The following NTN4 variants were observed in gnomAD, a reference collection of about 807,000 sequenced individuals.
NTN4 encodes netrin 4, also known as netrin-4.
NTN4 carries 32 observed loss-of-function variants against 73.6 expected under a neutral mutation model. The observed-to-expected ratio is 0.44, with a 90% CI of 0.33 to 0.58. The LOEUF is 0.58. NTN4 is among the 20% of genes least tolerant of loss of function. The pLI, the probability that NTN4 is intolerant of heterozygous loss-of-function variation, is 0.04. For synonymous variants in NTN4, 258 were observed against 287.5 expected (o/e 0.90, Z 1.04); for missense variants, 654 against 798.3 (o/e 0.82, Z 2.18).
intron 2 of NTN4, among the ~76,000 whole-genome samples, chr12:95,752,965 G>A (rs1035032089): frequency 2.6e-5 from 4 of 151,842 alleles, no homozygotes; most frequent in Admixed American, 1.3e-4. Context: ...AGCTGTGCTC[G>A]CTCTTTAAGT....
At chr12:95,713,167 G>A in intron 4 of NTN4, 45 bp downstream of exon 4, 1 of 1,592,760 alleles carries the variant, frequency 6.3e-7, no homozygotes, top group Non-Finnish European at 8.6e-7. Flanking sequence ...CAGATGCGTT[G>A]ACTTTACAAA....
At chr12:95,693,984 G>C (rs2078421765) in intron 5 of NTN4, among the ~76,000 whole-genome samples, 1 of 152,010 alleles carries the variant, frequency 6.6e-6, no homozygotes, top group Non-Finnish European at 1.5e-5. Flanking sequence ...TTTGATGATG[G>C]AGTCAAAGGA....
intron 2 of NTN4, among the ~76,000 whole-genome samples, chr12:95,750,705 C>T (rs1192424451): frequency 3.9e-5 from 6 of 152,170 alleles, no homozygotes; most frequent in South Asian, 2.1e-4. Context: ...CCCCAAGCGT[C>T]GCTGAGTCTT....
intron 5 of NTN4, among the ~76,000 whole-genome samples, chr12:95,707,428 T>C (rs557250570): frequency 5.8e-4 from 88 of 152,188 alleles, no homozygotes; most frequent in Non-Finnish European, 1.2e-3. Flanking sequence ...ACTTCTTCAC[T>C]GTCTTCAAAT....
At chr12:95,777,794 C>T (rs1171314591) in intron 2 of NTN4, among the ~76,000 whole-genome samples, 2 of 152,188 alleles carry the variant, frequency 1.3e-5, no homozygotes. Context: ...AGGAATTGAA[C>T]TCAGCTCTGC....
intron 3 of NTN4, among the ~76,000 whole-genome samples, chr12:95,728,980 C>A (rs2078715838): frequency 6.6e-6 from 1 of 152,138 alleles, no homozygotes; most frequent in South Asian, 2.1e-4. Flanking sequence ...TTGTCTTCCG[C>A]CATGATTGGA....
chr12:95,668,600 G>A (rs994703349), intron 8 of NTN4, among the ~76,000 whole-genome samples: 2 of 152,214 alleles, frequency 1.3e-5, no homozygotes, highest in East Asian at 3.8e-4. Flanking sequence ...TAGAGACAAT[G>A]TTATCCAGAA....
In NTN4 at chr12:95,789,626, C is replaced by T. The variant is rs1352484179; in HGVS notation, c.55+629G>A. Among the ~76,000 whole-genome samples, 2 of 152,212 alleles carry T rather than the reference C, an allele frequency of 1.3e-5. No homozygotes were observed. ...CAGGGAGCAGACCCGCCTCCGACCT[C>T]CCGCAGAGTCTCTGCCAGGGTACCA... On this transcript the variant is annotated intron_variant, in intron 1 of 9. Transcript: ENST00000343702. This position sits in a 1 kb window ranked among gnomAD's most constrained non-coding sequence, Gnocchi z 4.0.
At chr12:95,738,437 G>A (rs1479748036) in intron 2 of NTN4, among the ~76,000 whole-genome samples, 1 of 152,192 alleles carries the variant, frequency 6.6e-6, no homozygotes, top group Non-Finnish European at 1.5e-5. Flanking sequence ...CTGGGCGAGG[G>A]AAGAGCAAGC....
chr12:95,752,893 C>T (rs2078920743), intron 2 of NTN4, among the ~76,000 whole-genome samples: 1 of 152,190 alleles, frequency 6.6e-6, no homozygotes, highest in African/African-American at 2.4e-5. Context: ...TTTCTCATAG[C>T]TTCCAAAATC....
chr12:95,671,773 C>T (rs1215534930), intron 7 of NTN4, among the ~76,000 whole-genome samples: 1 of 152,164 alleles, frequency 6.6e-6, no homozygotes, highest in African/African-American at 2.4e-5. Context: ...ATGGCTATAT[C>T]TTATCAACCT....
At chr12:95,682,439 T>TTA (rs1337575873) in intron 7 of NTN4, among the ~76,000 whole-genome samples, 1 of 151,184 alleles carries the variant, frequency 6.6e-6, no homozygotes, top group Non-Finnish European at 1.5e-5. Flanking sequence ...TTTTTTTTTT[T>TTA]ACTATGATGT....
intron 2 of NTN4, among the ~76,000 whole-genome samples, chr12:95,765,376 A>G (rs1449338015): frequency 6.6e-6 from 1 of 151,470 alleles, no homozygotes; most frequent in Non-Finnish European, 1.5e-5. Context: ...ATGAGAAGAC[A>G]CAATTCTTGT....
At position 95,790,146 on chromosome 12, in the gene NTN4, G is replaced by C. The variant is rs944768370; in HGVS notation, c.55+109C>G. On this transcript the variant is annotated intron_variant, in intron 1 of 9. Transcript: ENST00000343702. The surrounding 1 kb of genome is among the most constrained non-coding windows in gnomAD (Gnocchi z 6.5). ...ACATGGCCACTCATTTCACCCTCGGGAGCAGCGCTCTGCGCTCGCAGCCCT... is the reference window on the plus strand; with the variant it reads ...ACATGGCCACTCATTTCACCCTCGGCAGCAGCGCTCTGCGCTCGCAGCCCT... 1 of 957,138 alleles carries C rather than the reference G, an allele frequency of 1.0e-6. No homozygotes were observed. The highest frequency in any genetic ancestry group is 1.5e-6 in the Non-Finnish European group (1 of 655,926). 59.3% of individuals were successfully genotyped at this position (957,138 alleles called of 1,614,324 possible).
chr12:95,698,639 C>G (rs2078459410), intron 5 of NTN4, among the ~76,000 whole-genome samples: 1 of 152,040 alleles, frequency 6.6e-6, no homozygotes, highest in Non-Finnish European at 1.5e-5. Context: ...CACTTGAGCT[C>G]AGGAGTTCAA....
At chr12:95,722,060 A>G (rs559225258) in intron 3 of NTN4, among the ~76,000 whole-genome samples, 27 of 150,844 alleles carry the variant, frequency 1.8e-4, no homozygotes, top group Admixed American at 9.9e-4. Context: ...GTTGTGATTC[A>G]GTAGATCTTT....
chr12:95,780,592 C>T (rs1485470206), intron 2 of NTN4, among the ~76,000 whole-genome samples: 6 of 152,156 alleles, frequency 3.9e-5, no homozygotes, highest in East Asian at 3.8e-4. Context: ...AAATCAAAAC[C>T]GCAATGAGAT....
At chr12:95,757,102 G>C (rs961021932) in intron 2 of NTN4, among the ~76,000 whole-genome samples, 1 of 152,122 alleles carries the variant, frequency 6.6e-6, no homozygotes, top group Non-Finnish European at 1.5e-5. Flanking sequence ...TGAGACATGA[G>C]TGCAGGGGAC....
At chr12:95,775,875 C>G (rs565156014) in intron 2 of NTN4, among the ~76,000 whole-genome samples, 1 of 152,196 alleles carries the variant, frequency 6.6e-6, no homozygotes, top group African/African-American at 2.4e-5. Flanking sequence ...GAATGGACAG[C>G]CTGCCTCCTG....
Sources: allele counts gnomAD v4.1 joint callset (sites outside exome capture counted in the v4.1 genomes callset), GRCh38; gene constraint gnomAD v4.1.1; non-coding constraint Gnocchi (gnomAD v3.1); transcripts MANE v1.5; gene names NCBI Gene and HGNC (gene_info 2026-07-23, HGNC 2026-07-21).